The following MPRIP variants were observed in gnomAD, a reference collection of about 807,000 sequenced individuals.
The protein encoded by MPRIP is myosin phosphatase Rho-interacting protein.
MPRIP carries 59 observed loss-of-function variants against 234.9 expected under a neutral mutation model. That is an observed-to-expected ratio of 0.25 (90% CI 0.20 to 0.31). MPRIP has a LOEUF of 0.31. Ranked by LOEUF, MPRIP falls within the 10% of genes least tolerant of loss-of-function variation. MPRIP has a pLI of 1.00. For synonymous variants in MPRIP, 1,144 were observed against 1,263.9 expected, an observed-to-expected ratio of 0.91 and a Z score of 2.01; for missense variants, 2,436 against 3,071.0, an observed-to-expected ratio of 0.79 and a Z score of 4.89.
At chr17:17,150,293 G>A in intron 12 of MPRIP, 60 bp downstream of exon 12, 6 of 1,323,256 alleles carry the variant, frequency 4.5e-6, no homozygotes. Flanking sequence ...ATGTCAGAGT[G>A]CCTAATGTCT....
chr17:17,057,878 G>C (rs1341552351), intron 1 of MPRIP: 3 of 584,316 alleles, frequency 5.1e-6, no homozygotes, highest in East Asian at 5.6e-5. Flanking sequence ...TGCAATATTG[G>C]ATGTACACAA....
At chr17:17,171,959 C>G (rs2046146862) in intron 17 of MPRIP, 94 bp downstream of exon 17, 6 of 1,385,038 alleles carry the variant, frequency 4.3e-6, no homozygotes, top group Non-Finnish European at 5.8e-6. Flanking sequence ...TTTAAATTGC[C>G]TTTTGGCTGA....
intron 5 of MPRIP, among the ~76,000 whole-genome samples, chr17:17,132,159 A>G (rs2090610053): frequency 6.6e-6 from 1 of 152,132 alleles, no homozygotes; most frequent in South Asian, 2.1e-4. Flanking sequence ...ATGTGACCTG[A>G]GCAGGGCGTG....
intron 3 of MPRIP, among the ~76,000 whole-genome samples, chr17:17,106,722 A>T (rs757539662): frequency 2.6e-5 from 4 of 152,202 alleles, no homozygotes; most frequent in Admixed American, 6.5e-5. Context: ...GACGCCACAC[A>T]TGGAAGGAAA....
intron 1 of MPRIP, among the ~76,000 whole-genome samples, chr17:17,069,789 A>G (rs2089150586): frequency 6.6e-6 from 1 of 152,154 alleles, no homozygotes; most frequent in Admixed American, 6.5e-5. Flanking sequence ...CGAAACAGAA[A>G]ACTCAAGAGA....
In MPRIP at chr17:17,185,082, C is replaced by G. The variant is rs2144731008; in HGVS notation, c.*188C>G. On this transcript the variant is annotated 3_prime_UTR_variant, in exon 24 of 24. Coordinates refer to ENST00000651222, the MANE Select transcript of MPRIP (RefSeq NM_001364716.4). ...TCCACACCACTCTCTGCTGTGTTGA[C>G]TTCCTGTTGTCTTCATCAAAGCTTT... 2.1e-6 allele frequency: 1 copy of G among 479,082 alleles called. No individual in the cohort carries two copies. The highest frequency in any genetic ancestry group is 2.0e-5 in the African/African-American group (1 of 50,878). 29.7% of individuals were successfully genotyped at this position (479,082 alleles called of 1,614,324 possible). A position where few individuals can be genotyped will look rare whatever the true frequency, so the allele number is the denominator to read the frequency against.
At chr17:17,160,381 A>G (rs547608139) in intron 14 of MPRIP, among the ~76,000 whole-genome samples, 58 of 152,280 alleles carry the variant, frequency 3.8e-4, no homozygotes, top group South Asian at 2.7e-3. Flanking sequence ...AATAAATAAA[A>G]GTCAGGGGTC....
At chr17:17,088,307 G>T (rs913159042) in intron 3 of MPRIP, among the ~76,000 whole-genome samples, 2 of 152,222 alleles carry the variant, frequency 1.3e-5, no homozygotes, top group Non-Finnish European at 2.9e-5. Context: ...GGACTTCTCT[G>T]CAGCAGCTGT....
chr17:17,061,048 C>CAG (rs2088853205), intron 1 of MPRIP, among the ~76,000 whole-genome samples: 1 of 152,176 alleles, frequency 6.6e-6, no homozygotes, highest in Non-Finnish European at 1.5e-5. Context: ...TGAGCATGGT[C>CAG]AGAGGTGTGT....
chr17:17,049,447 C>T (rs897090719), intron 1 of MPRIP, among the ~76,000 whole-genome samples: 1 of 152,216 alleles, frequency 6.6e-6, no homozygotes, highest in South Asian at 2.1e-4. Context: ...CTCACACACA[C>T]ACACCTGCCT....
chr17:17,091,606 G>T (rs950864598), intron 3 of MPRIP, among the ~76,000 whole-genome samples: 1 of 152,214 alleles, frequency 6.6e-6, no homozygotes, highest in East Asian at 1.9e-4. Context: ...AACCATGGCT[G>T]GACAGCCGAC....
At chr17:17,162,261 C>T (rs1158945989) in intron 15 of MPRIP, among the ~76,000 whole-genome samples, 20 of 152,234 alleles carry the variant, frequency 1.3e-4, no homozygotes, top group Admixed American at 1.3e-3. Flanking sequence ...AGTCTGCTGC[C>T]TGTGTAGACT....
chr17:17,140,191 C>G (rs1484302603), intron 7 of MPRIP, among the ~76,000 whole-genome samples: 2 of 152,146 alleles, frequency 1.3e-5, no homozygotes, highest in Non-Finnish European at 2.9e-5. Flanking sequence ...GGCTCCAGAG[C>G]AGGATCAGCT....
intron 7 of MPRIP, among the ~76,000 whole-genome samples, chr17:17,139,606 C>T (rs971738471): frequency 6.6e-6 from 1 of 152,192 alleles, no homozygotes; most frequent in Non-Finnish European, 1.5e-5. Context: ...CATGGGCTCC[C>T]GTGCCTCGAA....
At chr17:17,121,647 G>C (rs1054105238) in intron 3 of MPRIP, among the ~76,000 whole-genome samples, 1 of 152,200 alleles carries the variant, frequency 6.6e-6, no homozygotes, top group Non-Finnish European at 1.5e-5. Context: ...GACTTGGAGG[G>C]AGCTATTTTC....
rs2046558772 is a variant in MPRIP, at chr17:17,190,137, T to TA, written c.*5244dup. On this transcript the variant is annotated 3_prime_UTR_variant, in exon 24 of 24. Transcript: ENST00000651222. ...GGACTTCAGGCTTGGAGGTGCCATA[T>TA]ACAAGCACACTTCTTCCTTCCCCTG... 1 of 152,236 alleles carries TA rather than the reference T, an allele frequency of 6.6e-6. No individual in the cohort carries two copies. The highest frequency in any genetic ancestry group is 2.1e-4 in the South Asian group (1 of 4,834). The allele number at this position is 152,236 out of a possible 1,614,324, so 9.4% of individuals were successfully genotyped here. A position where few individuals can be genotyped will look rare whatever the true frequency, so the allele number is the denominator to read the frequency against.
At chr17:17,149,379 G>A (rs2045547730) in intron 11 of MPRIP, among the ~76,000 whole-genome samples, 1 of 151,952 alleles carries the variant, frequency 6.6e-6, no homozygotes, top group Non-Finnish European at 1.5e-5. Context: ...TGTAGTCCCA[G>A]CTACTCGGGA....
At chr17:17,069,873 A>T (rs751738578) in intron 1 of MPRIP, among the ~76,000 whole-genome samples, 5 of 151,960 alleles carry the variant, frequency 3.3e-5, no homozygotes, top group Non-Finnish European at 7.4e-5. Flanking sequence ...ATGTTCCAGG[A>T]TTCCTTCTTC....
chr17:17,068,402 G>A (rs991922578), intron 1 of MPRIP, among the ~76,000 whole-genome samples: 4 of 151,644 alleles, frequency 2.6e-5, no homozygotes, highest in African/African-American at 4.8e-5. Context: ...TGCCCACCTC[G>A]GCCTCCCAAA....
Sources: gnomAD v4.1 joint callset for allele counts (sites outside exome capture counted in the v4.1 genomes callset) on GRCh38, gnomAD v4.1.1 for gene constraint, MANE v1.5 for transcripts, NCBI Gene and HGNC (gene_info 2026-07-23, HGNC 2026-07-21) for gene names.